ZNF155: variants seen among roughly 807,000 people sequenced by gnomAD.
The protein encoded by ZNF155 is KRAB A domain.
Under a neutral mutation model 11.9 loss-of-function variants are expected in ZNF155, and 15 were observed. That is an observed-to-expected ratio of 1.26 (90% CI 0.84 to 1.94). The LOEUF (loss-of-function observed/expected upper bound fraction) is 1.94, where lower values mean the gene tolerates loss of function less well. Among genes scored for constraint, ZNF155 ranks in the 30% most tolerant of loss-of-function variants. The pLI is 0.00. For synonymous variants in ZNF155, 212 were observed against 219.9 expected, an observed-to-expected ratio of 0.96 and a Z score of 0.32; for missense variants, 602 against 639.1, an observed-to-expected ratio of 0.94 and a Z score of 0.63.
intron 4 of ZNF155, among the ~76,000 whole-genome samples, chr19:43,993,733 T>G (rs1401106217): frequency 6.6e-6 from 1 of 152,164 alleles, no homozygotes; most frequent in Non-Finnish European, 1.5e-5. Flanking sequence ...TATTTATAAG[T>G]GACAGTGTAT....
chr19:43,996,374 G>T lies in ZNF155; in HGVS notation c.517G>T (p.Glu173Ter), dbSNP rs1975862526. 2 of 1,614,164 alleles carry T rather than the reference G, an allele frequency of 1.2e-6. No individual in the cohort carries two copies. Among genetic ancestry groups the T allele is most frequent in the African/African-American group, 1.3e-5 (1 of 75,054 alleles). The change falls in exon 5 of 5, where the codon GAG becomes TAG. Residue 173 changes from glutamate (E) to a stop codon, truncating the protein, a stop_gained. Transcript: ENST00000270014. LOFTEE classifies it low-confidence loss of function (END_TRUNC). ...TCTTCCTCAGCAGTTATACTCAGAA[G>T]AGAAGTCTTATACATGTGATGAGTG... ...FDLPQQLYSE[E>*]KSYTCDECGK...
At chr19:43,984,458 G>C (rs1019369639) in intron 1 of ZNF155, 1 of 146,502 alleles carries the variant, frequency 6.8e-6, no homozygotes, top group Admixed American at 6.7e-5. Context: ...GTTCGGGGGG[G>C]GCGGGGAAGA....
rs1410306553 is a variant in ZNF155, at chr19:43,997,623, T to TA, written c.*150dup. The TA allele has an allele frequency of 7.4e-6, 6 of 809,990 alleles. No individual in the cohort carries two copies. Among genetic ancestry groups the TA allele is most frequent in the Non-Finnish European group, 1.1e-5 (6 of 539,344 alleles). 50.2% of individuals were successfully genotyped at this position (809,990 alleles called of 1,614,324 possible). ...TCAAAATCCATTTGAGAGGAGTTGG[T>TA]AGACAGCAAGGGAAGGGTCCCTGGA... On this transcript the variant is annotated 3_prime_UTR_variant, in exon 5 of 5. Transcript: ENST00000270014.
chr19:43,997,141 T>G lies in ZNF155; in HGVS notation c.1284T>G (p.Tyr428Ter). 6.2e-7 allele frequency: 1 copy of G among 1,614,138 alleles called. No individual in the cohort carries two copies. The highest frequency in any genetic ancestry group is 1.1e-5 in the South Asian group (1 of 91,084). Reference sequence around the variant, plus strand: ...GATCCCACAGTGGTGAAAAGCCATATAAATGTGAGGAGTGTGGGAAGGGCT... The same window carrying G: ...GATCCCACAGTGGTGAAAAGCCATAGAAATGTGAGGAGTGTGGGAAGGGCT... ...HQRSHSGEKPYKCEECGKGYV... is the reference protein window; with the variant it reads ...HQRSHSGEKP The change falls in exon 5 of 5, where the codon TAT becomes TAG. Residue 428 changes from tyrosine (Y) to a stop codon, truncating the protein, a stop_gained. Transcript: ENST00000270014. LOFTEE classifies it low-confidence loss of function (END_TRUNC).
At position 43,987,287 on chromosome 19, in the gene ZNF155, TTAAAGTC is replaced by T. The variant is rs1201562173; in HGVS notation, c.-85-1168_-85-1162del. On this transcript the variant is annotated intron_variant, in intron 1 of 4. Coordinates refer to ENST00000270014, the MANE Select transcript of ZNF155 (RefSeq NM_198089.3). The stretch of plus-strand genomic sequence containing the variant: ...CCCTACCCTTTACCCTGACCCCAGT[TTAAAGTC>T]TAATTATATGCATTGTGTTTACTCG... 3.3e-5 allele frequency among the ~76,000 whole-genome samples: 5 copies of T among 152,318 alleles called. No individual in the cohort carries two copies. In the East Asian group the frequency reaches 9.6e-4, roughly 29 times the overall value.
At position 43,997,009 on chromosome 19, in the gene ZNF155, CTCA is replaced by C. The variant is rs906873506; in HGVS notation, c.1154_1156del (p.Ser385del). 8.7e-6 allele frequency: 14 copies of C among 1,614,016 alleles called. No homozygotes were observed. In the African/African-American group the frequency reaches 9.3e-5, roughly 11 times the overall value. On this transcript the variant is annotated inframe_deletion, in exon 5 of 5. Transcript: ENST00000270014. ...AATGTGGGAAGAGCTTCAGATGGTC[CTCA>C]TGCCTTTTGAACCATCAGCGAGTCC... is the stretch of plus-strand genomic sequence containing the variant.
At position 43,988,394 on chromosome 19, in the gene ZNF155, TA is replaced by T. The variant is rs1346325294; in HGVS notation, c.-85-64del. 4.3e-6 allele frequency: 3 copies of T among 701,078 alleles called. No homozygotes were observed. The African/African-American group carries it at 5.5e-5, about 13-fold the overall frequency. 43.4% of individuals were successfully genotyped at this position (701,078 alleles called of 1,614,324 possible). A position where few individuals can be genotyped will look rare whatever the true frequency, so the allele number is the denominator to read the frequency against. Reference sequence around the variant, plus strand: ...TTGGTTGTGTGCAGTTTGGGTTTATTATGAATAATGCTGCTGTGATCATTCA... The same window carrying T: ...TTGGTTGTGTGCAGTTTGGGTTTATTTGAATAATGCTGCTGTGATCATTCA... On this transcript the variant is annotated intron_variant, in intron 1 of 4. Coordinates refer to ENST00000270014, the MANE Select transcript of ZNF155 (RefSeq NM_198089.3).
rs563984754 is a variant in ZNF155, at chr19:43,998,183, G to T, written c.*709G>T. 6.6e-6 allele frequency: 1 copy of T among 152,284 alleles called. No individual in the cohort carries two copies. The highest frequency in any genetic ancestry group is 1.9e-4 in the East Asian group (1 of 5,182). The allele number at this position is 152,284 out of a possible 1,614,324, so 9.4% of individuals were successfully genotyped here. On this transcript the variant is annotated 3_prime_UTR_variant, in exon 5 of 5. Transcript: ENST00000270014. The stretch of plus-strand genomic sequence containing the variant: ...GCTGAATCACGCTTTCTCCAAGACA[G>T]CCCGCAGGCTAAGTGCATTCCTTCC...
chr19:43,994,190 T>G (rs185015196), intron 4 of ZNF155, among the ~76,000 whole-genome samples: 28 of 152,346 alleles, frequency 1.8e-4, no homozygotes, highest in African/African-American at 6.3e-4. Flanking sequence ...CATTTTTGAT[T>G]GTCTGCTCAG....
At chr19:43,988,708 A>G in intron 2 of ZNF155, 150 bp downstream of exon 2, 1 of 747,542 alleles carries the variant, frequency 1.3e-6, no homozygotes, top group Non-Finnish European at 1.9e-6. Flanking sequence ...TTTTGTGTTG[A>G]CTGCATTTGG....
rs368565466 is a variant in ZNF155, at chr19:43,997,314, G to A, written c.1457G>A (p.Cys486Tyr). Reference protein sequence around the residue: ...RLHCQKKPFKCEDCGKRLVHR... With the variant: ...RLHCQKKPFKYEDCGKRLVHR... Reference sequence around the variant, plus strand: ...CACTGCCAGAAAAAACCATTCAAATGTGAGGACTGTGGAAAGAGGCTTGTA... The same window carrying A: ...CACTGCCAGAAAAAACCATTCAAATATGAGGACTGTGGAAAGAGGCTTGTA... Residue 486 changes from cysteine to tyrosine, a missense_variant, in exon 5 of 5, where the codon TGT becomes TAT. Physicochemically the swap from Cys to Tyr is radical, Grantham distance 194 (BLOSUM62 -2). Transcript: ENST00000270014. 6.0e-5 allele frequency: 97 copies of A among 1,614,042 alleles called. No individual in the cohort carries two copies. The highest frequency in any genetic ancestry group is 6.0e-4 in the African/African-American group (45 of 74,908).
At chr19:43,990,229 G>A in intron 2 of ZNF155, 1 of 607,622 alleles carries the variant, frequency 1.6e-6, no homozygotes, top group South Asian at 2.5e-5. Context: ...GAGAGAGTAA[G>A]ATGTTCTTAC....
intron 4 of ZNF155, among the ~76,000 whole-genome samples, chr19:43,994,151 G>A (rs1975754794): frequency 6.6e-6 from 1 of 152,114 alleles, no homozygotes; most frequent in African/African-American, 2.4e-5. Flanking sequence ...TGCATCATAG[G>A]CTTTCTTTTC....
intron 1 of ZNF155, among the ~76,000 whole-genome samples, chr19:43,986,518 C>G (rs183694469): frequency 7.7e-4 from 114 of 148,254 alleles, no homozygotes; most frequent in Admixed American, 4.3e-3. Flanking sequence ...GGTGCGATCT[C>G]GGCTCACTGT....
At chr19:43,990,859 G>A (rs1975633904) in intron 2 of ZNF155, among the ~76,000 whole-genome samples, 1 of 152,168 alleles carries the variant, frequency 6.6e-6, no homozygotes, top group African/African-American at 2.4e-5. Context: ...ATCCAAGGCT[G>A]AAGAAAACGT....
chr19:43,991,724 T>C, intron 3 of ZNF155, 50 bp downstream of exon 3: 1 of 1,612,834 alleles, frequency 6.2e-7, no homozygotes, highest in Non-Finnish European at 8.5e-7. Context: ...AGGAGTGGTT[T>C]TGTACCTTAG....
At chr19:43,985,404 T>C (rs1975402001) in intron 1 of ZNF155, among the ~76,000 whole-genome samples, 1 of 151,944 alleles carries the variant, frequency 6.6e-6, no homozygotes. Context: ...CAAGAGTGTA[T>C]AGGATGTGTC....
In ZNF155 at chr19:43,996,464, CTCTT is replaced by C. The variant is rs890735148; in HGVS notation, c.609_612del (p.Phe204CysfsTer153). On this transcript the variant is annotated frameshift_variant, in exon 5 of 5. Transcript: ENST00000270014. LOFTEE classifies it low-confidence loss of function (END_TRUNC). ...TCAGAGAGTCCACGTGGGAGAGAAA[CTCTT>C]TATGTGTGATGTGTGTGGCAAGGAA... 5 of 1,614,074 alleles carry C rather than the reference CTCTT, an allele frequency of 3.1e-6. No homozygotes were observed. Among genetic ancestry groups the C allele is most frequent in the Middle Eastern group, 1.6e-4 (1 of 6,084 alleles).
chr19:43,984,273 G>A (rs554058135), intron 1 of ZNF155, 28 bp downstream of exon 1: 1 of 152,290 alleles, frequency 6.6e-6, no homozygotes, highest in Non-Finnish European at 1.5e-5. Flanking sequence ...CTTTGCGAAA[G>A]TGAACCAGTT....
Sources: gnomAD v4.1 joint callset for allele counts (sites outside exome capture counted in the v4.1 genomes callset) on GRCh38, gnomAD v4.1.1 for gene constraint, MANE v1.5 for transcripts, NCBI Gene and HGNC (gene_info 2026-07-23, HGNC 2026-07-21) for gene names.